SPTB: variants seen among roughly 807,000 people sequenced by gnomAD.
SPTB encodes the protein spectrin beta chain, erythrocytic.
In SPTB, 45 loss-of-function variants were observed where a neutral mutation model predicts 256.2. That is an observed-to-expected ratio of 0.18 (90% CI 0.14 to 0.23). SPTB has a LOEUF of 0.23. Ranked by LOEUF, SPTB falls within the 10% of genes least tolerant of loss-of-function variation. The pLI, the probability that SPTB is intolerant of heterozygous loss-of-function variation, is 1.00. For missense variants in SPTB, 2,715 were observed against 3,040.4 expected, an observed-to-expected ratio of 0.89 and a Z score of 2.52; for synonymous variants, 1,231 against 1,243.1, an observed-to-expected ratio of 0.99 and a Z score of 0.21.
rs1344313813 is a variant in SPTB at position 64,824,135 on chromosome 14, CAATT to C, written c.-51-994_-51-991del. 6.6e-6 allele frequency among the ~76,000 whole-genome samples: 1 copy of C among 152,088 alleles called. No homozygotes were observed. Among genetic ancestry groups the C allele is most frequent in the Non-Finnish European group, 1.5e-5 (1 of 68,026 alleles). ...CTTGGAATCTGGTGGCAGAGACACA[CAATT>C]AAACAAGCAACTACAAGAAGGTGTG... On this transcript the variant is annotated intron_variant, in intron 1 of 35. Transcript: ENST00000644917. This position sits in a 1 kb window ranked among gnomAD's most constrained non-coding sequence, Gnocchi z 5.7.
At position 64,797,730 on chromosome 14, in the gene SPTB, C is replaced by G. The variant is rs748918482; in HGVS notation, c.1181G>C (p.Arg394Thr). 1 of 1,606,210 alleles carries G rather than the reference C, an allele frequency of 6.2e-7. No homozygotes were observed. The highest frequency in any genetic ancestry group is 8.5e-7 in the Non-Finnish European group (1 of 1,172,854). Residue 394 changes from arginine to threonine, a missense_variant and splice_region_variant, in exon 10 of 36, where the codon AGG (arginine) becomes ACG (threonine). By Grantham distance (71) the Arg-to-Thr change is moderately conservative. This residue lies in a region of SPTB where 416 missense variants were observed against 571.1 expected (regional missense o/e 0.73). Transcript: ENST00000644917. ...HDGKLVSDIN[R>T]AWESLEEAEY... is the part of the protein sequence containing the mutation. ...GCATAACGGAAAATGCTGTGGTACCCTGTTGATGTCAGACACTAGTTTCCC... is the reference window on the plus strand; with the variant it reads ...GCATAACGGAAAATGCTGTGGTACCGTGTTGATGTCAGACACTAGTTTCCC...
intron 2 of SPTB, 30 bp downstream of exon 2, chr14:64,822,917 C>T (rs1356091670): frequency 1.9e-6 from 3 of 1,612,294 alleles, no homozygotes; most frequent in African/African-American, 2.7e-5. Context: ...TGTGAGAATG[C>T]CCTCCAACCC....
chr14:64,782,353 C>T lies in SPTB; in HGVS notation c.4203G>A (p.Gln1401=). Reference sequence around the variant, plus strand: ...CCTTGCCCGGGTCGTCTGACCGCAGCTGGTCCTCCATGGCGCTGATCCACT... The same window carrying T: ...CCTTGCCCGGGTCGTCTGACCGCAGTTGGTCCTCCATGGCGCTGATCCACT... ...LNKWISAMED[Q]LRSDDPGKDL... The change falls in exon 20 of 36, where the codon CAG becomes CAA. Residue 1401 remains glutamine, a synonymous_variant. Transcript: ENST00000644917. 6.2e-7 allele frequency: 1 copy of T among 1,614,214 alleles called. No homozygotes were observed. The highest frequency in any genetic ancestry group is 8.5e-7 in the Non-Finnish European group (1 of 1,180,040).
rs2082899883 is a variant in SPTB at position 64,802,199 on chromosome 14, T to C, written c.566+27A>G. On this transcript the variant is annotated intron_variant, in intron 5 of 35. Coordinates refer to ENST00000644917, the MANE Select transcript of SPTB (RefSeq NM_001355436.2). The surrounding 1 kb of genome is among the most constrained non-coding windows in gnomAD (Gnocchi z 5.1). ...CGGAGCAAGGGGCTGGTGGTGGATG[T>C]GCTAACAGCTGGTTCCCAGGGCATA... The C allele has an allele frequency of 5.0e-6, 8 of 1,608,896 alleles. No individual in the cohort carries two copies. The highest frequency in any genetic ancestry group is 6.8e-6 in the Non-Finnish European group (8 of 1,175,228).
intron 1 of SPTB, among the ~76,000 whole-genome samples, chr14:64,851,779 C>T (rs1269602651): frequency 1.3e-5 from 2 of 151,666 alleles, no homozygotes; most frequent in Non-Finnish European, 2.9e-5. Flanking sequence ...AACCAAACAC[C>T]GCATGTTAGC....
chr14:64,786,984 T>C lies in SPTB; in HGVS notation c.2981A>G (p.Gln994Arg), dbSNP rs761057312. The change falls in exon 16 of 36, where the codon CAG becomes CGG. Residue 994 changes from glutamine (Q) to arginine (R), a missense_variant. Coordinates refer to ENST00000644917, the MANE Select transcript of SPTB (RefSeq NM_001355436.2). This position sits in a 1 kb window ranked among gnomAD's most constrained non-coding sequence, Gnocchi z 5.6. ...GRDLAGIIAI[Q>R]RKLSGLERDV... is the part of the protein sequence containing the mutation. ...ACGCTCCAGCCCTGACAACTTCCTC[T>C]GGATGGCGATGATACCTGCCAGGTC... 1 of 1,614,148 alleles carries C rather than the reference T, an allele frequency of 6.2e-7. No individual in the cohort carries two copies. Among genetic ancestry groups the C allele is most frequent in the Non-Finnish European group, 8.5e-7 (1 of 1,180,034 alleles).
In SPTB at chr14:64,758,824, A is replaced by C. The variant is rs750545375; in HGVS notation, c.6346-5031T>G. 5.3e-5 allele frequency among the ~76,000 whole-genome samples: 8 copies of C among 152,070 alleles called. No homozygotes were observed. The highest frequency in any genetic ancestry group is 1.0e-4 in the Non-Finnish European group (7 of 68,026). ...GGGAGCCTGACACAGCCCTGCAAGT[A>C]TGTGAGTGTGTATGTGTATGTAAAG... On this transcript the variant is annotated intron_variant, in intron 32 of 35. Coordinates refer to ENST00000644917, the MANE Select transcript of SPTB (RefSeq NM_001355436.2). This position sits in a 1 kb window ranked among gnomAD's most constrained non-coding sequence, Gnocchi z 4.6.
chr14:64,776,423 C>A (rs2082357013), intron 22 of SPTB, among the ~76,000 whole-genome samples: 1 of 152,122 alleles, frequency 6.6e-6, no homozygotes, highest in Non-Finnish European at 1.5e-5. Flanking sequence ...GATCTTATGA[C>A]CTCTGCATGG....
In SPTB at chr14:64,795,482, G is replaced by A. The variant is rs371029401; in HGVS notation, c.1499C>T (p.Thr500Met). ...GCGCAGTATATTGTCCTTGCGGGCC[G>A]TGATGCGCTTCTGGTCATGGTAGTT... ...KENYHDQKRITARKDNILRLW... is the reference protein window; with the variant it reads ...KENYHDQKRIMARKDNILRLW... The change falls in exon 12 of 36, where the codon ACG becomes ATG. Residue 500 changes from threonine to methionine, a missense_variant. Physicochemically the swap from Thr to Met is moderately conservative, Grantham distance 81. Transcript: ENST00000644917. The surrounding 1 kb of genome is among the most constrained non-coding windows in gnomAD (Gnocchi z 6.5). 2.3e-5 allele frequency: 37 copies of A among 1,614,044 alleles called. No individual in the cohort carries two copies. The highest frequency in any genetic ancestry group is 2.9e-5 in the Non-Finnish European group (34 of 1,180,034).
At chr14:64,768,976 C>T in intron 29 of SPTB, 58 bp downstream of exon 29, 3 of 1,378,986 alleles carry the variant, frequency 2.2e-6, no homozygotes, top group African/African-American at 1.4e-5. Context: ...CCTCCCCATT[C>T]CCCTACTCCT....
At chr14:64,862,882 AC>A (rs1272948965) in intron 1 of SPTB, among the ~76,000 whole-genome samples, 31 of 149,952 alleles carry the variant, frequency 2.1e-4, no homozygotes, top group Admixed American at 1.8e-3. Flanking sequence ...ACAAAAAAAA[AC>A]CACACCCCAT....
Position 64,760,378 on chromosome 14 carries a change from G to T in SPTB, c.6345+6348C>A, listed in dbSNP as rs551835576. ...CAACCAGCAGGTGGCGCGGGGGACT[G>T]CACACAGACAACAAACTCCTCAGGC... On this transcript the variant is annotated intron_variant, in intron 32 of 35. Coordinates refer to ENST00000644917, the MANE Select transcript of SPTB (RefSeq NM_001355436.2). The surrounding 1 kb of genome is among the most constrained non-coding windows in gnomAD (Gnocchi z 4.3). Among the ~76,000 whole-genome samples the T allele has an allele frequency of 1.3e-5, 2 of 152,160 alleles. No homozygotes were observed. The highest frequency in any genetic ancestry group is 4.1e-4 in the South Asian group (2 of 4,830).
In SPTB at chr14:64,750,084, C is replaced by T. The variant is rs139355550; in HGVS notation, c.6673G>A (p.Ala2225Thr). 32 of 1,614,048 alleles carry T rather than the reference C, an allele frequency of 2.0e-5. No homozygotes were observed. The African/African-American group carries it at 2.9e-4, about 15-fold the overall frequency. ...TCCCCATGGTAGGGCATCCCCAGGG[C>T]CAGGTTCTTGGCATCCTTGTAGAAG... ...LTFYKDAKNL[A>T]LGMPYHGEEP... The change falls in exon 34 of 36, where the codon GCC (alanine) becomes ACC (threonine). Residue 2225 changes from alanine to threonine, a missense_variant. This residue lies in a region of SPTB where 2,239 missense variants were observed against 2,384.4 expected (regional missense o/e 0.94). Coordinates refer to ENST00000644917, the MANE Select transcript of SPTB (RefSeq NM_001355436.2).
intron 1 of SPTB, among the ~76,000 whole-genome samples, chr14:64,878,788 C>A (rs942121685): frequency 1.3e-5 from 2 of 151,758 alleles, no homozygotes; most frequent in African/African-American, 4.9e-5. Context: ...CCACCCCACC[C>A]CCCAATCTGA....
chr14:64,752,492 G>A (rs1410901484), intron 33 of SPTB, among the ~76,000 whole-genome samples: 1 of 152,222 alleles, frequency 6.6e-6, no homozygotes, highest in Non-Finnish European at 1.5e-5. Flanking sequence ...CTAAGAAGGA[G>A]CTGGGTCTTT....
In SPTB at chr14:64,823,971, C is replaced by T. The variant is rs1025599636; in HGVS notation, c.-51-826G>A. 1.3e-5 allele frequency among the ~76,000 whole-genome samples: 2 copies of T among 152,132 alleles called. No individual in the cohort carries two copies. Among genetic ancestry groups the T allele is most frequent in the Non-Finnish European group, 2.9e-5 (2 of 68,026 alleles). On this transcript the variant is annotated intron_variant, in intron 1 of 35. Coordinates refer to ENST00000644917, the MANE Select transcript of SPTB (RefSeq NM_001355436.2). This position sits in a 1 kb window ranked among gnomAD's most constrained non-coding sequence, Gnocchi z 6.5. ...CAGCGCATCAGGAGCACTGGGTCCT[C>T]CCTCACCCGTCATCAGTCATTCCTA... is the stretch of plus-strand genomic sequence containing the variant.
intron 1 of SPTB, among the ~76,000 whole-genome samples, chr14:64,854,866 C>T (rs368036488): frequency 3.3e-5 from 5 of 152,156 alleles, no homozygotes; most frequent in African/African-American, 1.2e-4. Flanking sequence ...TACCTCACCC[C>T]AGAAACTCCC....
intron 1 of SPTB, among the ~76,000 whole-genome samples, chr14:64,869,621 A>T (rs34561105): frequency 0.77 from 107,378 of 139,404 alleles, 42,995 homozygotes; most frequent in Non-Finnish European, 0.88. Flanking sequence ...GATTTTTTAA[A>T]TTTTTTTTTT....
At chr14:64,794,744 A>G in intron 12 of SPTB, 127 bp from the exon 13 acceptor site, 1 of 1,235,192 alleles carries the variant, frequency 8.1e-7, no homozygotes, top group South Asian at 1.2e-5. Flanking sequence ...CAGCCAGAAA[A>G]GGGCTGCTGC....
Sources: gnomAD v4.1 joint callset for allele counts (sites outside exome capture counted in the v4.1 genomes callset) on GRCh38, gnomAD v4.1.1 for gene constraint, gnomAD v4.1.1 regional missense constraint, Gnocchi (gnomAD v3.1) non-coding constraint, MANE v1.5 for transcripts, NCBI Gene and HGNC (gene_info 2026-07-23, HGNC 2026-07-21) for gene names.